The following MAGI1 variants were observed in gnomAD, a reference collection of about 807,000 sequenced individuals.
The protein encoded by MAGI1 is membrane-associated guanylate kinase, WW and PDZ domain-containing protein 1.
A neutral mutation model predicts 139.9 loss-of-function variants in MAGI1; 58 were observed. The observed-to-expected ratio is 0.41, with a 90% CI of 0.34 to 0.52. MAGI1 has a LOEUF of 0.52. MAGI1 is among the 20% of genes least tolerant of loss of function. The pLI, the probability that MAGI1 is intolerant of heterozygous loss-of-function variation, is 0.12. For missense variants in MAGI1, 1,874 were observed against 1,901.6 expected (o/e 0.99, Z 0.27); for synonymous variants, 812 against 737.9 (o/e 1.10, Z -1.63).
rs562152698 is a variant in MAGI1, at chr3:65,578,694, T to C, written c.430+43278A>G. On this transcript the variant is annotated intron_variant, in intron 2 of 22. Coordinates refer to ENST00000402939, the MANE Select transcript of MAGI1 (RefSeq NM_001033057.2). Reference sequence around the variant, plus strand: ...TAACACTTTGGGACGCCGAGGTGGGTGGATCACTTGAGGTCAGGAGTTCAA... The same window carrying C: ...TAACACTTTGGGACGCCGAGGTGGGCGGATCACTTGAGGTCAGGAGTTCAA... 4.6e-5 allele frequency among the ~76,000 whole-genome samples: 7 copies of C among 152,150 alleles called. No homozygotes were observed. In the East Asian group the frequency reaches 9.7e-4, roughly 21 times the overall value.
rs1447070749 is a variant in MAGI1 at position 65,472,165 on chromosome 3, T to C, written c.758-1681A>G. On this transcript the variant is annotated intron_variant, in intron 4 of 22. Coordinates refer to ENST00000402939, the MANE Select transcript of MAGI1 (RefSeq NM_001033057.2). ...GGAACAGAAAGGAATTAGGCCAACA[T>C]AGAAGAAAAATTTAGAAATTACTAA... 2.6e-5 allele frequency among the ~76,000 whole-genome samples: 4 copies of C among 152,182 alleles called. No homozygotes were observed. The East Asian group carries it at 7.7e-4, about 29-fold the overall frequency.
chr3:65,679,987 T>C (rs541189602), intron 1 of MAGI1, among the ~76,000 whole-genome samples: 1 of 152,266 alleles, frequency 6.6e-6, no homozygotes, highest in South Asian at 2.1e-4. Context: ...ACTTCTTAAG[T>C]GGGATGAAGG....
chr3:65,886,190 A>AAGAT (rs879939349), intron 1 of MAGI1, among the ~76,000 whole-genome samples: 14 of 152,206 alleles, frequency 9.2e-5, no homozygotes, highest in Admixed American at 2.6e-4. Flanking sequence ...ATTACCTAAT[A>AAGAT]AGATACTGTT....
At position 65,864,196 on chromosome 3, in the gene MAGI1, TACACAGACAC is replaced by T. The variant is rs1279426051; in HGVS notation, c.313+173790_313+173799del. ...ATACCCATCTGTCAACCTAAATACA[TACACAGACAC>T]ACACAGACATAGAGAAACGTATAAA... On this transcript the variant is annotated intron_variant, in intron 1 of 22. Transcript: ENST00000402939. Among the ~76,000 whole-genome samples the T allele has an allele frequency of 2.6e-5, 4 of 152,128 alleles. No individual in the cohort carries two copies. The East Asian group carries it at 7.7e-4, about 29-fold the overall frequency.
intron 2 of MAGI1, among the ~76,000 whole-genome samples, chr3:65,619,396 G>C (rs534600879): frequency 6.6e-6 from 1 of 152,234 alleles, no homozygotes; most frequent in Non-Finnish European, 1.5e-5. Context: ...GAATGAAGGA[G>C]CTTTATTTCT....
chr3:65,900,526 T>C (rs2061180219), intron 1 of MAGI1, among the ~76,000 whole-genome samples: 1 of 152,214 alleles, frequency 6.6e-6, no homozygotes, highest in South Asian at 2.1e-4. Context: ...TACTTAGCCA[T>C]ATCTGTCTGT....
intron 10 of MAGI1, 61 bp downstream of exon 10, chr3:65,437,094 C>T (rs2107389625): frequency 8.2e-7 from 1 of 1,222,274 alleles, no homozygotes; most frequent in South Asian, 1.4e-5. Flanking sequence ...TTCAAAATAC[C>T]TTAAAAAAAA....
At chr3:65,774,962 A>C (rs1231286192) in intron 1 of MAGI1, among the ~76,000 whole-genome samples, 1 of 152,228 alleles carries the variant, frequency 6.6e-6, no homozygotes, top group East Asian at 1.9e-4. Context: ...ATGGGATAGT[A>C]GTGAAACAAG....
chr3:65,534,960 G>T (rs1402912460), intron 2 of MAGI1, among the ~76,000 whole-genome samples: 1 of 152,114 alleles, frequency 6.6e-6, no homozygotes, highest in Non-Finnish European at 1.5e-5. Flanking sequence ...TGAATGGAGG[G>T]GAAGTGCCAA....
At chr3:66,021,639 T>A (rs925628465) in intron 1 of MAGI1, among the ~76,000 whole-genome samples, 1 of 152,092 alleles carries the variant, frequency 6.6e-6, no homozygotes, top group African/African-American at 2.4e-5. Context: ...AAACACTGGA[T>A]TCACAGAGTC....
rs538706079 is a variant in MAGI1 at position 65,506,836 on chromosome 3, C to T, written c.431-13205G>A. 2.0e-5 allele frequency among the ~76,000 whole-genome samples: 3 copies of T among 151,958 alleles called. No individual in the cohort carries two copies. In the South Asian group the frequency reaches 6.2e-4, roughly 32 times the overall value. The stretch of plus-strand genomic sequence containing the variant: ...TATAAAACGAGAAATAAATTTGTAT[C>T]AAGGACTAAAACAAAGCAATTACAA... On this transcript the variant is annotated intron_variant, in intron 2 of 22. Coordinates refer to ENST00000402939, the MANE Select transcript of MAGI1 (RefSeq NM_001033057.2).
At chr3:65,944,607 A>G (rs1029272574) in intron 1 of MAGI1, among the ~76,000 whole-genome samples, 13 of 152,190 alleles carry the variant, frequency 8.5e-5, no homozygotes, top group African/African-American at 3.1e-4. Context: ...GAAGAGCAAA[A>G]GAGAGAAAGA....
At chr3:65,673,274 A>G (rs1480163426) in intron 1 of MAGI1, among the ~76,000 whole-genome samples, 1 of 152,190 alleles carries the variant, frequency 6.6e-6, no homozygotes, top group African/African-American at 2.4e-5. Flanking sequence ...TCTTCTAATG[A>G]TCTGGAGGTG....
intron 12 of MAGI1, among the ~76,000 whole-genome samples, chr3:65,419,657 T>C (rs1242036971): frequency 6.6e-6 from 1 of 152,174 alleles, no homozygotes; most frequent in Non-Finnish European, 1.5e-5. Context: ...GCTCAAGTCC[T>C]ACCTGTTTCT....
intron 1 of MAGI1, among the ~76,000 whole-genome samples, chr3:65,825,482 G>C (rs189516508): frequency 5.9e-5 from 9 of 152,192 alleles, no homozygotes; most frequent in African/African-American, 2.2e-4. Context: ...ATGGAAATCG[G>C]CAAGTGCTAT....
chr3:65,611,769 G>A (rs183744081), intron 2 of MAGI1, among the ~76,000 whole-genome samples: 34 of 148,698 alleles, frequency 2.3e-4, no homozygotes, highest in African/African-American at 4.5e-4. Context: ...ATATATAGTC[G>A]GAGGAAAGAA....
intron 1 of MAGI1, among the ~76,000 whole-genome samples, chr3:66,003,418 G>A (rs1364838897): frequency 3.3e-5 from 5 of 152,028 alleles, no homozygotes; most frequent in Admixed American, 3.3e-4. Context: ...CACTTTGGGA[G>A]GCCAAGGTGG....
chr3:65,970,322 G>A (rs766354781), intron 1 of MAGI1, among the ~76,000 whole-genome samples: 1 of 152,108 alleles, frequency 6.6e-6, no homozygotes, highest in Non-Finnish European at 1.5e-5. Context: ...AATGTTGGTT[G>A]CCAGGGATCG....
At chr3:65,430,617 A>C in intron 11 of MAGI1, 82 bp downstream of exon 11, 1 of 1,478,908 alleles carries the variant, frequency 6.8e-7, no homozygotes, top group Non-Finnish European at 9.2e-7. Context: ...TTGCTCAAAC[A>C]AACAACATCA....
Sources: gnomAD v4.1 joint callset for allele counts (sites outside exome capture counted in the v4.1 genomes callset) on GRCh38, gnomAD v4.1.1 for gene constraint, MANE v1.5 for transcripts, NCBI Gene and HGNC (gene_info 2026-07-23, HGNC 2026-07-21) for gene names.